CTSC: variants seen among roughly 807,000 people sequenced by gnomAD.
The protein encoded by CTSC is cathepsin C.
In CTSC, 37 loss-of-function variants were observed where a neutral mutation model predicts 40.9. The observed-to-expected ratio is 0.91, with a 90% CI of 0.70 to 1.19. The LOEUF is 1.19. Ranked by LOEUF, CTSC falls within the 50% of genes most tolerant of loss-of-function variation. CTSC has a pLI of 0.00. For synonymous variants in CTSC, 232 were observed against 207.4 expected (o/e 1.12, Z -1.02); for missense variants, 594 against 567.3 (o/e 1.05, Z -0.48).
intron 6 of CTSC, among the ~76,000 whole-genome samples, chr11:88,295,434 C>A (rs1307571033): frequency 6.6e-6 from 1 of 151,554 alleles, no homozygotes; most frequent in African/African-American, 2.4e-5. Flanking sequence ...GGCTGGAGTG[C>A]AGTGGCATGA....
chr11:88,319,264 G>T (rs1937945327), intron 2 of CTSC, among the ~76,000 whole-genome samples: 1 of 152,094 alleles, frequency 6.6e-6, no homozygotes, highest in African/African-American at 2.4e-5. Flanking sequence ...TGTCAAACAT[G>T]TTGACAGAAG....
rs766545758 is a variant in CTSC, at chr11:88,320,407, A to G, written c.319-7853T>C. ...TTACTTACTCATAAACTCAAACCGT[A>G]AAGTTGGAAAAAAATCTTAAGAGTT... On this transcript the variant is annotated intron_variant, in intron 2 of 6. Coordinates refer to ENST00000227266, the MANE Select transcript of CTSC (RefSeq NM_001814.6). Among the ~76,000 whole-genome samples the G allele has an allele frequency of 5.5e-4, 84 of 152,236 alleles. 1 individual carries two copies. Among genetic ancestry groups the G allele is most frequent in the Non-Finnish European group, 1.1e-3 (78 of 68,044 alleles).
intron 2 of CTSC, chr11:88,328,020 A>C: frequency 1.2e-6 from 1 of 840,478 alleles, no homozygotes; most frequent in Non-Finnish European, 2.1e-6. Context: ...TCACCCTCTG[A>C]TGAATAAATA....
At chr11:88,309,818 A>G (rs397832281) in intron 3 of CTSC, among the ~76,000 whole-genome samples, 1,603 of 55,486 alleles carry the variant, frequency 0.029, 34 homozygotes, top group African/African-American at 0.092. Flanking sequence ...ATGCGCGCAC[A>G]CACACACACA....
In CTSC at chr11:88,296,284, AC is replaced by A; in HGVS notation, c.758-21del. The A allele has an allele frequency of 6.2e-7, 1 of 1,613,116 alleles. No homozygotes were observed. The highest frequency in any genetic ancestry group is 2.2e-5 in the East Asian group (1 of 44,826). On this transcript the variant is annotated intron_variant, in intron 5 of 6. Transcript: ENST00000227266. ...AGGATGCTGGCGATGAAAAAAAGAC[AC>A]ATAATCCAAGAGACATCTGAAGCCT...
chr11:88,328,360 C>CA (rs975545148), intron 2 of CTSC, among the ~76,000 whole-genome samples: 17 of 151,398 alleles, frequency 1.1e-4, no homozygotes, highest in Admixed American at 2.6e-4. Flanking sequence ...TAAAACAAAA[C>CA]AAAAAAAAGA....
chr11:88,327,470 C>A (rs535421471), intron 2 of CTSC, among the ~76,000 whole-genome samples: 1 of 152,232 alleles, frequency 6.6e-6, no homozygotes, highest in East Asian at 1.9e-4. Flanking sequence ...CCTATTTCTT[C>A]ATCAACATTT....
At chr11:88,311,021 G>A (rs1347470585) in intron 3 of CTSC, among the ~76,000 whole-genome samples, 1 of 152,040 alleles carries the variant, frequency 6.6e-6, no homozygotes, top group Non-Finnish European at 1.5e-5. Context: ...AAGATCCAAC[G>A]AGATTAAAAA....
chr11:88,307,941 G>T (rs1161490238), intron 4 of CTSC, among the ~76,000 whole-genome samples: 3 of 152,146 alleles, frequency 2.0e-5, no homozygotes, highest in Non-Finnish European at 4.4e-5. Context: ...AGAGCCGGCT[G>T]TATGGGAAAC....
At chr11:88,325,751 T>C (rs1000471048) in intron 2 of CTSC, 30 of 985,270 alleles carry the variant, frequency 3.0e-5, no homozygotes, top group Non-Finnish European at 3.5e-5. Flanking sequence ...CCAGAGGTAC[T>C]GGAGGTCTAT....
Position 88,294,039 on chromosome 11 carries a change from T to C in CTSC, c.1359A>G (p.Ile453Met), listed in dbSNP as rs1322892187. 6.2e-7 allele frequency: 1 copy of C among 1,614,068 alleles called. No individual in the cohort carries two copies. Among genetic ancestry groups the C allele is most frequent in the Non-Finnish European group, 8.5e-7 (1 of 1,179,996 alleles). The change falls in exon 7 of 7, where the codon ATA (isoleucine) becomes ATG (methionine). Residue 453 changes from isoleucine to methionine, a missense_variant. Transcript: ENST00000227266. Reference sequence around the variant, plus strand: ...TAGGAATTGGTGTGGCTGCCACTGCTATGCTCTCAATTGCACACTCATCAG... The same window carrying C: ...TAGGAATTGGTGTGGCTGCCACTGCCATGCTCTCAATTGCACACTCATCAG... ...RGTDECAIES[I>M]AVAATPIPKL
intron 2 of CTSC, chr11:88,326,526 T>TG (rs1938193634): frequency 3.0e-6 from 2 of 668,672 alleles, no homozygotes; most frequent in Non-Finnish European, 5.0e-6. Context: ...TTTCTTTAAG[T>TG]AAAAAAAAAA....
chr11:88,314,631 G>A (rs1033931711), intron 2 of CTSC, among the ~76,000 whole-genome samples: 4 of 152,048 alleles, frequency 2.6e-5, no homozygotes, highest in Non-Finnish European at 4.4e-5. Flanking sequence ...AGGTTCAAGC[G>A]ATTCTCCTGC....
intron 5 of CTSC, 78 bp from the exon 6 acceptor site, chr11:88,296,342 C>T: frequency 1.9e-6 from 3 of 1,544,592 alleles, no homozygotes; most frequent in Non-Finnish European, 2.7e-6. Context: ...CTTAGTGAAT[C>T]ACATACATTA....
chr11:88,307,908 T>C (rs149423449), intron 4 of CTSC, among the ~76,000 whole-genome samples: 150 of 152,134 alleles, frequency 9.9e-4, no homozygotes, highest in African/African-American at 3.3e-3. Flanking sequence ...GAAATTGCAA[T>C]AGAAAATGAG....
chr11:88,327,976 C>T, intron 2 of CTSC: 1 of 710,986 alleles, frequency 1.4e-6, no homozygotes, highest in South Asian at 1.5e-5. Context: ...CAGGCTCAAG[C>T]AAGAAATTCA....
intron 2 of CTSC, chr11:88,325,369 C>T (rs1565262075): frequency 2.3e-5 from 23 of 985,290 alleles, no homozygotes; most frequent in Non-Finnish European, 2.8e-5. Context: ...CAAGGCAGTT[C>T]TTCTCTTAAA....
chr11:88,307,485 A>T (rs1291616311), intron 4 of CTSC, among the ~76,000 whole-genome samples: 2 of 151,580 alleles, frequency 1.3e-5, no homozygotes, highest in African/African-American at 2.4e-5. Context: ...ACTAAGAAAT[A>T]TACCATGGGG....
At chr11:88,303,352 T>C (rs12283629) in intron 4 of CTSC, among the ~76,000 whole-genome samples, 47,127 of 152,102 alleles carry the variant, frequency 0.31, 8,258 homozygotes, top group Non-Finnish European at 0.41. Context: ...TGCCCCCTAC[T>C]TCTCATGCCA....
Sources: gnomAD v4.1 joint callset for allele counts (sites outside exome capture counted in the v4.1 genomes callset) on GRCh38, gnomAD v4.1.1 for gene constraint, MANE v1.5 for transcripts, NCBI Gene and HGNC (gene_info 2026-07-23, HGNC 2026-07-21) for gene names.